The following RIMS2 variants were observed in gnomAD, a reference collection of about 807,000 sequenced individuals.
The protein encoded by RIMS2 is regulating synaptic membrane exocytosis 2.
In RIMS2, 59 loss-of-function variants were observed where a neutral mutation model predicts 174.4. The observed-to-expected ratio is 0.34, with a 90% CI of 0.27 to 0.42. The LOEUF is 0.42. Among genes scored for constraint, RIMS2 ranks in the 10% least tolerant of loss-of-function variants. The pLI is 1.00. For synonymous variants in RIMS2, 606 were observed against 572.5 expected (o/e 1.06, Z -0.84); for missense variants, 1,620 against 1,666.3 (o/e 0.97, Z 0.48).
chr8:103,936,430 G>A, intron 12 of RIMS2, 121 bp from the exon 15 acceptor site: 3 of 582,252 alleles, frequency 5.2e-6, no homozygotes, highest in South Asian at 2.7e-5. Flanking sequence ...CATTTGCAAT[G>A]TATGATAATT....
intron 20 of RIMS2, among the ~76,000 whole-genome samples, chr8:104,246,631 G>A (rs575924656): frequency 6.6e-6 from 1 of 152,334 alleles, no homozygotes; most frequent in Non-Finnish European, 1.5e-5. Flanking sequence ...AGATGATCAA[G>A]ACGGTGGAGG....
At chr8:103,553,905 A>G (rs1438202162) in intron 1 of RIMS2, among the ~76,000 whole-genome samples, 9 of 152,070 alleles carry the variant, frequency 5.9e-5, no homozygotes, top group African/African-American at 2.2e-4. Flanking sequence ...CTACACACCT[A>G]TAATCATCTA....
intron 19 of RIMS2, among the ~76,000 whole-genome samples, chr8:104,051,881 C>G (rs2096793315): frequency 6.6e-6 from 1 of 152,104 alleles, no homozygotes; most frequent in South Asian, 2.1e-4. Context: ...AGCACAATTC[C>G]TGGGATATAC....
chr8:104,207,401 A>C (rs1486720552), intron 19 of RIMS2, among the ~76,000 whole-genome samples: 2 of 152,162 alleles, frequency 1.3e-5, no homozygotes, highest in Non-Finnish European at 2.9e-5. Flanking sequence ...AATAATATCC[A>C]GCTTTCTATG....
intron 19 of RIMS2, among the ~76,000 whole-genome samples, chr8:104,211,793 C>T (rs578179023): frequency 6.6e-6 from 1 of 152,054 alleles, no homozygotes; most frequent in Non-Finnish European, 1.5e-5. Context: ...GGATTACAGG[C>T]GTGAGCCACC....
exon 4 of RIMS2, chr8:103,885,558 A>C (rs200726457): frequency 1.9e-5 from 30 of 1,612,800 alleles, no homozygotes; most frequent in Middle Eastern, 1.6e-4. Context: ...AGAGATGAAT[A>C]CGAAAGGCAA....
intron 17 of RIMS2, among the ~76,000 whole-genome samples, chr8:103,993,026 A>T (rs2094830233): frequency 6.6e-6 from 1 of 152,210 alleles, no homozygotes; most frequent in Non-Finnish European, 1.5e-5. Context: ...AGGCAGGAGA[A>T]TCGCTTGAAC....
chr8:104,098,830 T>G (rs2097808433), intron 19 of RIMS2, among the ~76,000 whole-genome samples: 5 of 152,196 alleles, frequency 3.3e-5, no homozygotes, highest in Admixed American at 6.5e-5. Flanking sequence ...ATTACATAGC[T>G]ATGTGATATA....
intron 1 of RIMS2, among the ~76,000 whole-genome samples, chr8:103,618,432 G>T (rs181756122): frequency 6.6e-6 from 1 of 152,176 alleles, no homozygotes; most frequent in Admixed American, 6.5e-5. Flanking sequence ...TTGTAAATTG[G>T]CAGTACAGCC....
intron 10 of RIMS2, among the ~76,000 whole-genome samples, chr8:103,923,676 A>C (rs1298744820): frequency 3.3e-5 from 5 of 151,894 alleles, no homozygotes; most frequent in South Asian, 4.1e-4. Flanking sequence ...ATGTTCCACT[A>C]TGATATTAGT....
At chr8:104,255,644 A>T (rs1203614099), downstream of RIMS2, 1 of 152,216 alleles carries the variant, frequency 6.6e-6, no homozygotes, top group East Asian at 1.9e-4. Flanking sequence ...ATTAGGCAAG[A>T]GATCACCAAA....
At chr8:103,821,688 C>A (rs1223100667) in intron 3 of RIMS2, among the ~76,000 whole-genome samples, 1 of 151,542 alleles carries the variant, frequency 6.6e-6, no homozygotes, top group African/African-American at 2.4e-5. Context: ...GTCTTTTAAA[C>A]CTTTTATTCT....
chr8:103,638,921 C>T (rs942114696), intron 1 of RIMS2, among the ~76,000 whole-genome samples: 28 of 152,112 alleles, frequency 1.8e-4, no homozygotes, highest in African/African-American at 6.5e-4. Flanking sequence ...CATCTATCAT[C>T]TATCTTTAAA....
intron 1 of RIMS2, among the ~76,000 whole-genome samples, chr8:103,614,931 CT>C (rs1241151393): frequency 2.0e-5 from 3 of 152,160 alleles, no homozygotes; most frequent in Non-Finnish European, 4.4e-5. Context: ...ACATATTAAA[CT>C]TTTGACTTTA....
At chr8:103,771,307 T>G (rs1228345509) in intron 3 of RIMS2, among the ~76,000 whole-genome samples, 1 of 152,202 alleles carries the variant, frequency 6.6e-6, no homozygotes, top group Admixed American at 6.5e-5. Flanking sequence ...TTTTTCTGGT[T>G]AAGAAAATAA....
At chr8:104,235,460 G>A (rs952602183) in intron 19 of RIMS2, among the ~76,000 whole-genome samples, 3 of 151,842 alleles carry the variant, frequency 2.0e-5, no homozygotes, top group Admixed American at 6.6e-5. Context: ...TATATCCAAA[G>A]CATCTCCACA....
At chr8:103,687,023 T>C (rs544148328) in intron 1 of RIMS2, among the ~76,000 whole-genome samples, 1 of 152,282 alleles carries the variant, frequency 6.6e-6, no homozygotes, top group African/African-American at 2.4e-5. Context: ...GTAGAATTGG[T>C]ATTATTTCTT....
At chr8:103,889,644 T>C (rs1265643767) in intron 4 of RIMS2, among the ~76,000 whole-genome samples, 3 of 151,814 alleles carry the variant, frequency 2.0e-5, no homozygotes, top group African/African-American at 7.2e-5. Context: ...ACCTAATTTT[T>C]TTTTCTCTGC....
intron 19 of RIMS2, among the ~76,000 whole-genome samples, chr8:104,148,013 T>C (rs1393571502): frequency 6.6e-6 from 1 of 150,740 alleles, no homozygotes; most frequent in Non-Finnish European, 1.5e-5. Flanking sequence ...TATAGATTTA[T>C]ATCAGTAATG....
Sources: allele counts gnomAD v4.1 joint callset (sites outside exome capture counted in the v4.1 genomes callset), GRCh38; gene constraint gnomAD v4.1.1; transcripts MANE v1.5; gene names NCBI Gene and HGNC (gene_info 2026-07-23, HGNC 2026-07-21).